LIF: variants seen among roughly 807,000 people sequenced by gnomAD.
LIF encodes the protein LIF interleukin 6 family cytokine.
A neutral mutation model predicts 15.0 loss-of-function variants in LIF; 9 were observed. That is an observed-to-expected ratio of 0.60 (90% confidence interval 0.36 to 1.04). The LOEUF (loss-of-function observed/expected upper bound fraction) is 1.04. Ranked by LOEUF, LIF falls within the 50% of genes least tolerant of loss-of-function variation. The pLI is 0.01. For synonymous variants in LIF, 122 were observed against 119.7 expected (o/e 1.02, Z -0.13); for missense variants, 240 against 266.7 (o/e 0.90, Z 0.70).
chr22:30,246,654 C>T (rs1424722136), intron 1 of LIF, 23 bp downstream of exon 1: 3 of 1,551,456 alleles, frequency 1.9e-6, no homozygotes, highest in Non-Finnish European at 1.7e-6. Flanking sequence ...GACGCGAAGC[C>T]GGCGCGGGGC....
rs868203351 is a variant in LIF at position 30,243,596 on chromosome 22, A to G, written c.*55T>C. The G allele has an allele frequency of 1.2e-5, 20 of 1,611,698 alleles. No homozygotes were observed. In the South Asian group the frequency reaches 1.9e-4, roughly 15 times the overall value. On this transcript the variant is annotated 3_prime_UTR_variant, in exon 3 of 3. Transcript: ENST00000249075. The surrounding 1 kb of genome is among the most constrained non-coding windows in gnomAD (Gnocchi z 6.0). Reference sequence around the variant, plus strand: ...CAGCCACCCTTGGACAGGCCCCCACATCTGGACCCAACTCCTGAGATCCCT... The same window carrying G: ...CAGCCACCCTTGGACAGGCCCCCACGTCTGGACCCAACTCCTGAGATCCCT...
chr22:30,242,327 T>TG lies in LIF; in HGVS notation c.*1323dup, dbSNP rs3067163. 9,699 of 150,202 alleles carry TG rather than the reference T, an allele frequency of 0.065. 1,035 individuals carry two copies. Among genetic ancestry groups the TG allele is most frequent in the African/African-American group, 0.23 (9,110 of 40,342 alleles). 9.3% of individuals were successfully genotyped at this position (150,202 alleles called of 1,614,324 possible). On this transcript the variant is annotated 3_prime_UTR_variant, in exon 3 of 3. Transcript: ENST00000249075. ...CCCTAAAGCAAGTCACAGTAGGGGA[T>TG]GGGGGGGGGTGGAGCAAGGCCCCCC...
chr22:30,246,736 T>C lies in LIF; in HGVS notation c.-41A>G. On this transcript the variant is annotated 5_prime_UTR_variant, in exon 1 of 3. Coordinates refer to ENST00000249075, the MANE Select transcript of LIF (RefSeq NM_002309.5). ...AGAGGGCCTTGGAGGAAACCTCAGATGCCGGCAGTTTTCAGAGGTTCATGC... is the reference window on the plus strand; with the variant it reads ...AGAGGGCCTTGGAGGAAACCTCAGACGCCGGCAGTTTTCAGAGGTTCATGC... 6.5e-7 allele frequency: 1 copy of C among 1,548,848 alleles called. No individual in the cohort carries two copies. Among genetic ancestry groups the C allele is most frequent in the Non-Finnish European group, 8.7e-7 (1 of 1,144,518 alleles).
At chr22:30,246,391 G>C in intron 1 of LIF, 1 of 943,610 alleles carries the variant, frequency 1.1e-6, no homozygotes, top group Non-Finnish European at 1.3e-6. Flanking sequence ...CGAGTGTCCG[G>C]AGCGAGGAGG....
chr22:30,243,210 C>A lies in LIF; in HGVS notation c.*441G>T. On this transcript the variant is annotated 3_prime_UTR_variant, in exon 3 of 3. Transcript: ENST00000249075. This position sits in a 1 kb window ranked among gnomAD's most constrained non-coding sequence, Gnocchi z 6.0. ...TTGGGATCCTAGCCCCTCTGGCCCA[C>A]CTAAGTCCCAACCTAAGGGGCAGCA... 1 of 267,766 alleles carries A rather than the reference C, an allele frequency of 3.7e-6. No individual in the cohort carries two copies. Among genetic ancestry groups the A allele is most frequent in the Non-Finnish European group, 7.3e-6 (1 of 136,430 alleles). The allele number at this position is 267,766 out of a possible 1,614,324, so 16.6% of individuals were successfully genotyped here.
chr22:30,243,455 G>A lies in LIF; in HGVS notation c.*196C>T. On this transcript the variant is annotated 3_prime_UTR_variant, in exon 3 of 3. Coordinates refer to ENST00000249075, the MANE Select transcript of LIF (RefSeq NM_002309.5). The surrounding 1 kb of genome is among the most constrained non-coding windows in gnomAD (Gnocchi z 6.0). ...CACCTTCTTCTAGCTCCCTCCCTAT[G>A]GAAGTTTCCACTCTGCTCAGCTTCA... 1.5e-6 allele frequency: 1 copy of A among 645,708 alleles called. No individual in the cohort carries two copies. Among genetic ancestry groups the A allele is most frequent in the Non-Finnish European group, 2.7e-6 (1 of 370,090 alleles). 40.0% of individuals were successfully genotyped at this position (645,708 alleles called of 1,614,324 possible).
rs775324532 is a variant in LIF, at chr22:30,243,793, C to A, written c.467G>T (p.Cys156Phe). The change falls in exon 3 of 3, where the codon TGC becomes TTC. Residue 156 changes from cysteine to phenylalanine, a missense_variant. By Grantham distance (205) the Cys-to-Phe change is radical. Transcript: ENST00000249075. The surrounding 1 kb of genome is among the most constrained non-coding windows in gnomAD (Gnocchi z 6.0). ...GLLSNVLCRL[C>F]SKYHVGHVDV... ...CACATGGCCCACGTGGTACTTGCTG[C>A]ACAGGCGGCACAGCACGTTGCTAAG... 1 of 1,614,238 alleles carries A rather than the reference C, an allele frequency of 6.2e-7. No individual in the cohort carries two copies. The highest frequency in any genetic ancestry group is 2.2e-5 in the East Asian group (1 of 44,894).
chr22:30,244,047 C>T lies in LIF; in HGVS notation c.213G>A (p.Gly71=). The change falls in exon 3 of 3, where the codon GGG becomes GGA. Residue 71 remains glycine (G), a synonymous_variant. Transcript: ENST00000249075. ...ALFILYYTAQ[G]EPFPNNLDKL... is the part of the protein sequence containing the mutation. ...TGTCCAGGTTGTTGGGGAACGGCTCCCCCTGGGCTGTGTACTGAGGGGCAG... is the reference window on the plus strand; with the variant it reads ...TGTCCAGGTTGTTGGGGAACGGCTCTCCCTGGGCTGTGTACTGAGGGGCAG... The T allele has an allele frequency of 2.5e-6, 4 of 1,608,138 alleles. No individual in the cohort carries two copies. Among genetic ancestry groups the T allele is most frequent in the South Asian group, 1.1e-5 (1 of 91,068 alleles).
In LIF at chr22:30,246,722, G is replaced by A. The variant is rs1373008621; in HGVS notation, c.-27C>T. ...ATGGGCTGCACTTCAGAGGGCCTTG[G>A]AGGAAACCTCAGATGCCGGCAGTTT... On this transcript the variant is annotated 5_prime_UTR_variant, in exon 1 of 3. Coordinates refer to ENST00000249075, the MANE Select transcript of LIF (RefSeq NM_002309.5). The A allele has an allele frequency of 2.6e-6, 4 of 1,554,064 alleles. No homozygotes were observed. The African/African-American group carries it at 4.1e-5, about 16-fold the overall frequency.
chr22:30,243,944 A>G lies in LIF; in HGVS notation c.316T>C (p.Tyr106His), dbSNP rs1928771567. 6.2e-7 allele frequency: 1 copy of G among 1,614,090 alleles called. No homozygotes were observed. Among genetic ancestry groups the G allele is most frequent in the Non-Finnish European group, 8.5e-7 (1 of 1,180,040 alleles). The change falls in exon 3 of 3, where the codon TAC becomes CAC. Residue 106 changes from tyrosine to histidine, a missense_variant. By Grantham distance (83) the Tyr-to-His change is moderately conservative (BLOSUM62 2). Coordinates refer to ENST00000249075, the MANE Select transcript of LIF (RefSeq NM_002309.5). The surrounding 1 kb of genome is among the most constrained non-coding windows in gnomAD (Gnocchi z 6.0). ...GTGCCAAGGTACACGACTATGCGGTACAGCTCCACCAGCTTGGCCTTCTCC... is the reference window on the plus strand; with the variant it reads ...GTGCCAAGGTACACGACTATGCGGTGCAGCTCCACCAGCTTGGCCTTCTCC... ...GTEKAKLVELYRIVVYLGTSL... is the reference protein window; with the variant it reads ...GTEKAKLVELHRIVVYLGTSL...
intron 2 of LIF, 89 bp downstream of exon 2, chr22:30,244,666 G>A (rs749942954): frequency 1.8e-4 from 228 of 1,260,280 alleles, no homozygotes; most frequent in Non-Finnish European, 2.3e-4. Flanking sequence ...GCCCCAAAAG[G>A]TCCCCTCAAC....
Position 30,243,450 on chromosome 22 carries a change from C to A in LIF, c.*201G>T. On this transcript the variant is annotated 3_prime_UTR_variant, in exon 3 of 3. Coordinates refer to ENST00000249075, the MANE Select transcript of LIF (RefSeq NM_002309.5). The surrounding 1 kb of genome is among the most constrained non-coding windows in gnomAD (Gnocchi z 6.0). ...AGGGGCACCTTCTTCTAGCTCCCTC[C>A]CTATGGAAGTTTCCACTCTGCTCAG... The A allele has an allele frequency of 1.6e-6, 1 of 634,992 alleles. No individual in the cohort carries two copies. The highest frequency in any genetic ancestry group is 2.8e-6 in the Non-Finnish European group (1 of 362,618). The allele number at this position is 634,992 out of a possible 1,614,324, so 39.3% of individuals were successfully genotyped here. A position where few individuals can be genotyped will look rare whatever the true frequency, so the allele number is the denominator to read the frequency against.
intron 1 of LIF, 89 bp downstream of exon 1, chr22:30,246,588 G>A (rs1362186184): frequency 6.0e-6 from 9 of 1,500,470 alleles, no homozygotes; most frequent in Middle Eastern, 2.1e-4. Context: ...TGCGGCGGGT[G>A]GGCGTCCGGC....
intron 1 of LIF, chr22:30,246,407 GAGGAGA>G: frequency 1.9e-6 from 2 of 1,072,522 alleles, no homozygotes; most frequent in Non-Finnish European, 2.3e-6. Context: ...GGAGGAGGAG[GAGGAGA>G]AGGAGAGGGG....
intron 1 of LIF, 75 bp downstream of exon 1, chr22:30,246,602 C>T (rs1449711398): frequency 2.6e-6 from 4 of 1,521,018 alleles, no homozygotes; most frequent in Non-Finnish European, 3.5e-6. Flanking sequence ...GTCCGGCTCG[C>T]GCTGCCAAGC....
chr22:30,244,143 G>A (rs534570611), intron 2 of LIF, 82 bp from the exon 3 acceptor site: 93 of 1,378,168 alleles, frequency 6.7e-5, no homozygotes, highest in Admixed American at 1.6e-4. Flanking sequence ...AAGCTCTTGC[G>A]TCTGTTTCCC....
intron 1 of LIF, among the ~76,000 whole-genome samples, chr22:30,245,999 G>A (rs1305408589): frequency 6.6e-6 from 1 of 152,234 alleles, no homozygotes; most frequent in Non-Finnish European, 1.5e-5. Context: ...GCCGGGGTCA[G>A]CGGGCGAGTG....
chr22:30,243,879 G>T lies in LIF; in HGVS notation c.381C>A (p.Asn127Lys), dbSNP rs762890518. ...TGCTGTGGAGGCTGAGGGCACTGGG[G>T]TTGAGGATCTTCTGGTCCCGGGTGA... The part of the protein sequence containing the change: ...GNITRDQKIL[N>K]PSALSLHSKL... The change falls in exon 3 of 3, where the codon AAC becomes AAA. Residue 127 changes from asparagine (N) to lysine (K), a missense_variant. By Grantham distance (94) the Asn-to-Lys change is moderately conservative. Coordinates refer to ENST00000249075, the MANE Select transcript of LIF (RefSeq NM_002309.5). The surrounding 1 kb of genome is among the most constrained non-coding windows in gnomAD (Gnocchi z 6.0). 4 of 1,614,236 alleles carry T rather than the reference G, an allele frequency of 2.5e-6. No homozygotes were observed. Among genetic ancestry groups the T allele is most frequent in the Non-Finnish European group, 3.4e-6 (4 of 1,180,044 alleles).
chr22:30,244,156 T>A (rs1601642383), intron 2 of LIF, 95 bp from the exon 3 acceptor site: 1 of 1,255,156 alleles, frequency 8.0e-7, no homozygotes, highest in Non-Finnish European at 1.1e-6. Context: ...TGTTTCCCCA[T>A]CTAGCGCATG....
Sources: allele counts gnomAD v4.1 joint callset (sites outside exome capture counted in the v4.1 genomes callset), GRCh38; gene constraint gnomAD v4.1.1; non-coding constraint Gnocchi (gnomAD v3.1); transcripts MANE v1.5; gene names NCBI Gene and HGNC (gene_info 2026-07-23, HGNC 2026-07-21).